RB1CC1: variants seen among roughly 807,000 people sequenced by gnomAD.
RB1CC1 encodes RB1-inducible coiled-coil protein 1.
RB1CC1 carries 46 observed loss-of-function variants against 177.5 expected under a neutral mutation model. The observed-to-expected ratio is 0.26, with a 90% confidence interval of 0.20 to 0.33. RB1CC1 has a LOEUF of 0.33. Ranked by LOEUF, RB1CC1 falls within the 10% of genes least tolerant of loss-of-function variation. RB1CC1 has a pLI of 1.00. For synonymous variants in RB1CC1, 666 were observed against 613.6 expected, an observed-to-expected ratio of 1.09 and a Z score of -1.26; for missense variants, 1,703 against 1,816.3, an observed-to-expected ratio of 0.94 and a Z score of 1.13.
At chr8:52,667,725 AG>A (rs1852196035) in intron 8 of RB1CC1, among the ~76,000 whole-genome samples, 1 of 152,176 alleles carries the variant, frequency 6.6e-6, no homozygotes, top group African/African-American at 2.4e-5. Flanking sequence ...TATGGGGGGT[AG>A]TAGGAAGCAT....
intron 15 of RB1CC1, among the ~76,000 whole-genome samples, chr8:52,653,883 A>C (rs1850853233): frequency 6.6e-6 from 1 of 152,192 alleles, no homozygotes; most frequent in Non-Finnish European, 1.5e-5. Flanking sequence ...CACCCTGTAC[A>C]TCCTTAGATC....
chr8:52,632,656 T>C (rs1338906996), intron 20 of RB1CC1, among the ~76,000 whole-genome samples: 1 of 152,214 alleles, frequency 6.6e-6, no homozygotes, highest in Non-Finnish European at 1.5e-5. Flanking sequence ...TGATGCTCTC[T>C]GGGTCTGAAA....
chr8:52,631,689 T>C (rs1848769986), intron 20 of RB1CC1, among the ~76,000 whole-genome samples: 1 of 152,188 alleles, frequency 6.6e-6, no homozygotes, highest in African/African-American at 2.4e-5. Flanking sequence ...ACCTTTAAGA[T>C]CCTGCCTTAA....
chr8:52,690,314 A>T (rs947986174), intron 1 of RB1CC1, among the ~76,000 whole-genome samples: 5 of 152,218 alleles, frequency 3.3e-5, no homozygotes, highest in African/African-American at 1.2e-4. Flanking sequence ...TCATTCATTC[A>T]TTCATCCAAA....
chr8:52,708,367 A>G (rs1031089533), intron 1 of RB1CC1, among the ~76,000 whole-genome samples: 4 of 152,136 alleles, frequency 2.6e-5, no homozygotes, highest in African/African-American at 9.7e-5. Context: ...ATACAAAAAA[A>G]TTAGCCGGGC....
chr8:52,640,225 T>C (rs775472891), intron 18 of RB1CC1, among the ~76,000 whole-genome samples: 1 of 152,248 alleles, frequency 6.6e-6, no homozygotes, highest in East Asian at 1.9e-4. Context: ...GAGAGCAGAA[T>C]AGTGGTTACC....
chr8:52,645,832 C>T lies in RB1CC1; in HGVS notation c.3857G>A (p.Ser1286Asn). 6.2e-7 allele frequency: 1 copy of T among 1,609,446 alleles called. No individual in the cohort carries two copies. Among genetic ancestry groups the T allele is most frequent in the South Asian group, 1.1e-5 (1 of 89,784 alleles). Reference protein sequence around the residue: ...AIDSTRGDSSSLVAELQEKLQ... With the variant: ...AIDSTRGDSSNLVAELQEKLQ... ...CTTTTCTTGAAGTTCAGCAACTAAG[C>T]TTGAAGAATCTCCTCTGGTAGAGTC... is the stretch of plus-strand genomic sequence containing the variant. The change falls in exon 16 of 24, where the codon AGC becomes AAC. Residue 1286 changes from serine (S) to asparagine (N), a missense_variant. Ser to Asn is a conservative substitution (Grantham distance 46). Transcript: ENST00000025008.
intron 11 of RB1CC1, 80 bp downstream of exon 11, chr8:52,660,846 G>T: frequency 1.6e-6 from 2 of 1,245,850 alleles, no homozygotes; most frequent in Non-Finnish European, 2.3e-6. Context: ...GCATATACAT[G>T]AAGTATGCTA....
intron 1 of RB1CC1, among the ~76,000 whole-genome samples, chr8:52,711,020 A>T (rs533926532): frequency 1.7e-4 from 26 of 152,286 alleles, no homozygotes; most frequent in East Asian, 7.7e-4. Flanking sequence ...AGGAAATGGA[A>T]CACAATTATT....
In RB1CC1 at chr8:52,658,846, T is replaced by C. The variant is rs756275507; in HGVS notation, c.1793+27A>G. 4 of 1,471,644 alleles carry C rather than the reference T, an allele frequency of 2.7e-6. No homozygotes were observed. In the South Asian group the frequency reaches 3.8e-5, roughly 14 times the overall value. 91.2% of individuals were successfully genotyped at this position (1,471,644 alleles called of 1,614,324 possible). On this transcript the variant is annotated intron_variant, in intron 13 of 23. Transcript: ENST00000025008. ...AATAAAAACATTTTAAGGTTATAAA[T>C]TAACTGAAAATACTAATGACATTTA...
At chr8:52,631,719 G>A (rs1848773410) in intron 20 of RB1CC1, among the ~76,000 whole-genome samples, 1 of 152,142 alleles carries the variant, frequency 6.6e-6, no homozygotes, top group Middle Eastern at 3.2e-3. Flanking sequence ...ATGCTCGTCG[G>A]GAAAATTCAC....
At position 52,661,468 on chromosome 8, in the gene RB1CC1, A is replaced by G. The variant is rs574226768; in HGVS notation, c.1358+67T>C. On this transcript the variant is annotated intron_variant, in intron 9 of 23. Coordinates refer to ENST00000025008, the MANE Select transcript of RB1CC1 (RefSeq NM_014781.5). ...AATGGTAGGGAAAAATCACTCCATCATTTGGGAGAAATAAATATAAATACC... is the reference window on the plus strand; with the variant it reads ...AATGGTAGGGAAAAATCACTCCATCGTTTGGGAGAAATAAATATAAATACC... 3.6e-5 allele frequency: 53 copies of G among 1,492,766 alleles called. No individual in the cohort carries two copies. The African/African-American group carries it at 7.0e-4, about 20-fold the overall frequency. The allele number at this position is 1,492,766 out of a possible 1,614,324, so 92.5% of individuals were successfully genotyped here. A position where few individuals can be genotyped will look rare whatever the true frequency, so the allele number is the denominator to read the frequency against.
rs193295357 is a variant in RB1CC1, at chr8:52,683,947, C to A, written c.138G>T (p.Val46=). ...CAGCCATGCATTCTCCTCCATTGACCACCAGCACCTGGTGTTGAATAGCAA... is the reference window on the plus strand; with the variant it reads ...CAGCCATGCATTCTCCTCCATTGACAACCAGCACCTGGTGTTGAATAGCAA... ...YKIAIQHQVL[V]VNGGECMAAD... is the part of the protein sequence containing the mutation. The change falls in exon 4 of 24, where the codon GTG becomes GTT. Residue 46 remains valine (V), a synonymous_variant. Transcript: ENST00000025008. 2.2e-4 allele frequency: 353 copies of A among 1,614,084 alleles called. No individual in the cohort carries two copies. The highest frequency in any genetic ancestry group is 2.8e-4 in the Non-Finnish European group (328 of 1,180,016).
intron 5 of RB1CC1, among the ~76,000 whole-genome samples, chr8:52,679,509 G>A (rs1395802998): frequency 1.3e-5 from 2 of 152,116 alleles, no homozygotes; most frequent in Non-Finnish European, 1.5e-5. Context: ...ACCCCGCTTC[G>A]AGTTATCCTG....
Position 52,622,915 on chromosome 8 carries a change from A to C in RB1CC1, c.*867T>G, listed in dbSNP as rs980795473. ...ACAGGTTCAAATCTTTATTGTTTTA[A>C]AATTGTACAGTTCTTTTACAATACA... On this transcript the variant is annotated 3_prime_UTR_variant, in exon 24 of 24. Coordinates refer to ENST00000025008, the MANE Select transcript of RB1CC1 (RefSeq NM_014781.5). The C allele has an allele frequency of 1.3e-5, 2 of 152,154 alleles. No homozygotes were observed. Among genetic ancestry groups the C allele is most frequent in the African/African-American group, 4.8e-5 (2 of 41,424 alleles). The allele number at this position is 152,154 out of a possible 1,614,324, so 9.4% of individuals were successfully genotyped here.
intron 1 of RB1CC1, among the ~76,000 whole-genome samples, chr8:52,696,148 G>A (rs1222400681): frequency 2.0e-5 from 3 of 152,158 alleles, no homozygotes; most frequent in Admixed American, 6.5e-5. Context: ...GGGTTCAAGC[G>A]ATTCTCCTGC....
intron 22 of RB1CC1, among the ~76,000 whole-genome samples, chr8:52,625,704 A>G (rs991224385): frequency 6.6e-6 from 1 of 152,182 alleles, no homozygotes; most frequent in Non-Finnish European, 1.5e-5. Context: ...AGCATATTTT[A>G]AAGTGTTGAA....
At chr8:52,693,745 G>A (rs954762722) in intron 1 of RB1CC1, among the ~76,000 whole-genome samples, 4 of 152,018 alleles carry the variant, frequency 2.6e-5, no homozygotes, top group African/African-American at 9.7e-5. Context: ...CACGGGGGTA[G>A]GATGGGGAAA....
intron 20 of RB1CC1, among the ~76,000 whole-genome samples, chr8:52,634,518 T>TA (rs769097849): frequency 1.7e-3 from 244 of 145,574 alleles, no homozygotes; most frequent in East Asian, 0.011. Flanking sequence ...AAGACTGTCT[T>TA]AAAAAAAAAA....
Sources: gnomAD v4.1 joint callset for allele counts (sites outside exome capture counted in the v4.1 genomes callset) on GRCh38, gnomAD v4.1.1 for gene constraint, MANE v1.5 for transcripts, NCBI Gene and HGNC (gene_info 2026-07-23, HGNC 2026-07-21) for gene names.